Variants in GLRA1 observed in about 807,000 individuals in gnomAD.
GLRA1 encodes glycine receptor alpha 1, also known as glycine receptor subunit alpha-1.
GLRA1 carries 37 observed loss-of-function variants against 48.3 expected under a neutral mutation model. That is an observed-to-expected ratio of 0.77 (90% CI 0.59 to 1.01). The LOEUF (loss-of-function observed/expected upper bound fraction) is 1.01, where lower values mean the gene tolerates loss of function less well. GLRA1 is among the 50% of genes least tolerant of loss of function. GLRA1 has a pLI of 0.00. For synonymous variants in GLRA1, 196 were observed against 210.7 expected, an observed-to-expected ratio of 0.93 and a Z score of 0.60; for missense variants, 427 against 571.0, an observed-to-expected ratio of 0.75 and a Z score of 2.57.
intron 1 of GLRA1, among the ~76,000 whole-genome samples, chr5:151,905,568 A>G (rs891678272): frequency 1.1e-4 from 16 of 152,272 alleles, no homozygotes; most frequent in African/African-American, 3.4e-4. Flanking sequence ...ACCTCTGTTC[A>G]TGTCCTAGAA....
intron 1 of GLRA1, among the ~76,000 whole-genome samples, chr5:151,915,716 CATAT>C (rs34164681): frequency 0.032 from 4,726 of 146,188 alleles, 252 homozygotes; most frequent in African/African-American, 0.11. Context: ...ATATGTAATA[CATAT>C]ATATATATAT....
chr5:151,907,587 A>G (rs760464246), intron 1 of GLRA1, among the ~76,000 whole-genome samples: 1 of 152,212 alleles, frequency 6.6e-6, no homozygotes, highest in African/African-American at 2.4e-5. Context: ...CAAATATCAG[A>G]TGGGTTTGAG....
intron 4 of GLRA1, among the ~76,000 whole-genome samples, chr5:151,857,578 C>T (rs554165955): frequency 6.6e-6 from 1 of 152,196 alleles, no homozygotes; most frequent in African/African-American, 2.4e-5. Flanking sequence ...TTCAAAGAGG[C>T]CCTCTGCCTT....
intron 3 of GLRA1, among the ~76,000 whole-genome samples, chr5:151,864,736 C>T (rs1753288761): frequency 6.6e-6 from 1 of 152,150 alleles, no homozygotes; most frequent in Non-Finnish European, 1.5e-5. Flanking sequence ...AGCACTTCTT[C>T]ACTGTGTATG....
chr5:151,921,284 A>G (rs1318401306), intron 1 of GLRA1, among the ~76,000 whole-genome samples: 2 of 152,186 alleles, frequency 1.3e-5, no homozygotes, highest in African/African-American at 4.8e-5. Flanking sequence ...AGGAAGCTAG[A>G]CTTTCCTCCT....
At chr5:151,828,782 G>T in intron 8 of GLRA1, 139 bp downstream of exon 8, 1 of 877,656 alleles carries the variant, frequency 1.1e-6, no homozygotes, top group Non-Finnish European at 1.8e-6. Flanking sequence ...AGACCTCTAG[G>T]TCTTTAATTC....
At chr5:151,862,391 A>G (rs531153598) in intron 3 of GLRA1, among the ~76,000 whole-genome samples, 1 of 152,382 alleles carries the variant, frequency 6.6e-6, no homozygotes, top group Non-Finnish European at 1.5e-5. Flanking sequence ...CATGTCTAAA[A>G]CACCAAAAGC....
At chr5:151,922,526 A>G (rs1331089510) in intron 1 of GLRA1, among the ~76,000 whole-genome samples, 2 of 152,250 alleles carry the variant, frequency 1.3e-5, no homozygotes, top group Non-Finnish European at 2.9e-5. Flanking sequence ...TGCCACCCAC[A>G]TTTCCAGCTC....
chr5:151,921,410 T>G (rs190771607), intron 1 of GLRA1, among the ~76,000 whole-genome samples: 30 of 152,372 alleles, frequency 2.0e-4, no homozygotes, highest in African/African-American at 7.2e-4. Context: ...TGGCAAGGTC[T>G]GGAGACATTT....
At chr5:151,844,359 C>T (rs138683805) in intron 7 of GLRA1, among the ~76,000 whole-genome samples, 17,192 of 151,598 alleles carry the variant, frequency 0.11, 1,139 homozygotes, top group Non-Finnish European at 0.15. Context: ...CAGTGGCTCA[C>T]GCCTGTAATC....
Position 151,917,090 on chromosome 5 carries a change from G to A in GLRA1, c.56+7404C>T, listed in dbSNP as rs553464455. 4.6e-5 allele frequency among the ~76,000 whole-genome samples: 7 copies of A among 152,292 alleles called. No individual in the cohort carries two copies. In the East Asian group the frequency reaches 1.3e-3, roughly 29 times the overall value. On this transcript the variant is annotated intron_variant, in intron 1 of 8. Transcript: ENST00000274576. ...TCTGTCACCCACTCTATAAACTTGA[G>A]GTAGTTATTTATCCCCTCTACATCT...
rs181944498 is a variant in GLRA1 at position 151,863,532 on chromosome 5, T to A, written c.253-3524A>T. Among the ~76,000 whole-genome samples, 10 of 152,172 alleles carry A rather than the reference T, an allele frequency of 6.6e-5. 1 individual carries two copies. The highest frequency in any genetic ancestry group is 1.3e-4 in the Non-Finnish European group (9 of 68,002). ...AAGTAGAGTTTAGGGTATATTTGTG[T>A]TTCCCAAGCAGGAAGGGCATAGCTC... On this transcript the variant is annotated intron_variant, in intron 3 of 8. Transcript: ENST00000274576.
chr5:151,824,552 G>T (rs80204871), intron 8 of GLRA1, among the ~76,000 whole-genome samples: 2 of 152,134 alleles, frequency 1.3e-5, no homozygotes, highest in Admixed American at 6.5e-5. Flanking sequence ...AAAATGTCAT[G>T]GTTCTTTTCT....
chr5:151,822,682 G>T lies in GLRA1; in HGVS notation c.1341C>A (p.His447Gln), dbSNP rs773707878. 5 of 1,611,644 alleles carry T rather than the reference G, an allele frequency of 3.1e-6. No homozygotes were observed. Among genetic ancestry groups the T allele is most frequent in the Admixed American group, 1.7e-5 (1 of 60,008 alleles). The change falls in exon 9 of 9, where the codon CAC becomes CAA. Residue 447 changes from histidine (H) to glutamine (Q), a missense_variant. Coordinates refer to ENST00000274576, the MANE Select transcript of GLRA1 (RefSeq NM_000171.4). ...IYKIVRREDV[H>Q]NQ The stretch of plus-strand genomic sequence containing the variant: ...CAACCTTTCAGACCCTTCACTGGTT[G>T]TGGACGTCCTCTCTACGGACAATCT...
intron 3 of GLRA1, among the ~76,000 whole-genome samples, chr5:151,881,809 C>T (rs999838581): frequency 3.9e-5 from 6 of 152,114 alleles, no homozygotes; most frequent in Admixed American, 6.5e-5. Context: ...CTGTTAGCTC[C>T]GGTGAATAAA....
intron 4 of GLRA1, 126 bp from the exon 5 acceptor site, chr5:151,856,509 GT>G (rs1753048118): frequency 1.5e-6 from 1 of 661,224 alleles, no homozygotes; most frequent in South Asian, 1.5e-5. Flanking sequence ...ACTTGTGTTT[GT>G]TTTTTTGTTT....
intron 3 of GLRA1, among the ~76,000 whole-genome samples, chr5:151,877,226 C>CA (rs1361254509): frequency 1.3e-5 from 2 of 152,168 alleles, no homozygotes; most frequent in African/African-American, 4.8e-5. Context: ...TACGGAAATG[C>CA]AATGCTGAGC....
In GLRA1 at chr5:151,904,365, G is replaced by A. The variant is rs1183207950; in HGVS notation, c.57-11927C>T. ...TTGCGTGTCTCAGAGGCAAAGAGAA[G>A]CAACCTTGGAAATGCGACAAGCTGT... is the stretch of plus-strand genomic sequence containing the variant. On this transcript the variant is annotated intron_variant, in intron 1 of 8. Transcript: ENST00000274576. Among the ~76,000 whole-genome samples, 3 of 152,122 alleles carry A rather than the reference G, an allele frequency of 2.0e-5. No homozygotes were observed. The East Asian group carries it at 5.8e-4, about 29-fold the overall frequency.
At chr5:151,863,713 T>G (rs1753261461) in intron 3 of GLRA1, among the ~76,000 whole-genome samples, 2 of 152,180 alleles carry the variant, frequency 1.3e-5, no homozygotes, top group African/African-American at 4.8e-5. Flanking sequence ...TGCAATATTT[T>G]CTTTTGGAAT....
Sources: allele counts gnomAD v4.1 joint callset (sites outside exome capture counted in the v4.1 genomes callset), GRCh38; gene constraint gnomAD v4.1.1; transcripts MANE v1.5; gene names NCBI Gene and HGNC (gene_info 2026-07-23, HGNC 2026-07-21).